The following KIRREL3 variants were observed in gnomAD, a reference collection of about 807,000 sequenced individuals.
The protein encoded by KIRREL3 is kirre like nephrin family adhesion molecule 3.
In KIRREL3, 36 loss-of-function variants were observed where a neutral mutation model predicts 89.7. The observed-to-expected ratio is 0.40, with a 90% CI of 0.31 to 0.53. The LOEUF is 0.53. Ranked by LOEUF, KIRREL3 falls within the 20% of genes least tolerant of loss-of-function variation. KIRREL3 has a pLI of 0.49. For missense variants in KIRREL3, 864 were observed against 1,056.6 expected, an observed-to-expected ratio of 0.82 and a Z score of 2.53; for synonymous variants, 445 against 441.4, an observed-to-expected ratio of 1.01 and a Z score of -0.10.
chr11:126,918,452 G>C lies in KIRREL3; in HGVS notation c.55+82003C>G, dbSNP rs531730271. On this transcript the variant is annotated intron_variant, in intron 1 of 16. Coordinates refer to ENST00000525144, the MANE Select transcript of KIRREL3 (RefSeq NM_032531.4). This position sits in a 1 kb window ranked among gnomAD's most constrained non-coding sequence, Gnocchi z 6.5. The stretch of plus-strand genomic sequence containing the variant: ...GAAGTCTTTGTAAACTAAGCTGCTT[G>C]TTCCTCTGACAGGGTGATAAGCAAG... 6.6e-6 allele frequency among the ~76,000 whole-genome samples: 1 copy of C among 152,330 alleles called. No homozygotes were observed. The highest frequency in any genetic ancestry group is 1.5e-5 in the Non-Finnish European group (1 of 68,026).
intron 7 of KIRREL3, among the ~76,000 whole-genome samples, chr11:126,451,074 T>C (rs1009306229): frequency 4.4e-5 from 5 of 114,634 alleles, no homozygotes; most frequent in South Asian, 2.5e-4. Flanking sequence ...CATGTGCATG[T>C]GTGTGCGTGT....
rs1946161396 is a variant in KIRREL3, at chr11:126,896,424, G to A, written c.55+104031C>T. Reference sequence around the variant, plus strand: ...GATGCTCTTTGTGGCTCTCCTGTATGCCTGTTGAGATGCCCATGCCCTTTC... The same window carrying A: ...GATGCTCTTTGTGGCTCTCCTGTATACCTGTTGAGATGCCCATGCCCTTTC... On this transcript the variant is annotated intron_variant, in intron 1 of 16. Transcript: ENST00000525144. The surrounding 1 kb of genome is among the most constrained non-coding windows in gnomAD (Gnocchi z 4.1). Among the ~76,000 whole-genome samples the A allele has an allele frequency of 1.3e-5, 2 of 152,206 alleles. No homozygotes were observed. Among genetic ancestry groups the A allele is most frequent in the South Asian group, 4.1e-4 (2 of 4,834 alleles).
intron 1 of KIRREL3, among the ~76,000 whole-genome samples, chr11:126,865,362 G>A (rs1337988955): frequency 6.6e-6 from 1 of 152,226 alleles, no homozygotes; most frequent in Non-Finnish European, 1.5e-5. Context: ...GCTCTGAGTT[G>A]AGGCTGCCTG....
Position 126,791,979 on chromosome 11 carries a change from T to C in KIRREL3, c.55+208476A>G, listed in dbSNP as rs1396205274. Among the ~76,000 whole-genome samples, 1 of 152,178 alleles carries C rather than the reference T, an allele frequency of 6.6e-6. No individual in the cohort carries two copies. The highest frequency in any genetic ancestry group is 6.5e-5 in the Admixed American group (1 of 15,280). ...CATTGGTGGTGTGGTTCTCCTCTTC[T>C]CTGTATGCCACTTTTCCCCATTTCC... is the stretch of plus-strand genomic sequence containing the variant. On this transcript the variant is annotated intron_variant, in intron 1 of 16. Transcript: ENST00000525144. This position sits in a 1 kb window ranked among gnomAD's most constrained non-coding sequence, Gnocchi z 4.8.
In KIRREL3 at chr11:126,763,022, G is replaced by A. The variant is rs1949711220; in HGVS notation, c.56-200110C>T. 1.3e-5 allele frequency among the ~76,000 whole-genome samples: 2 copies of A among 152,178 alleles called. No homozygotes were observed. The highest frequency in any genetic ancestry group is 1.3e-4 in the Admixed American group (2 of 15,284). ...GGCCACCCATCCTCAGGGATCCTGGGATTCAACTTTGAGAGCATAACTAGG... is the reference window on the plus strand; with the variant it reads ...GGCCACCCATCCTCAGGGATCCTGGAATTCAACTTTGAGAGCATAACTAGG... On this transcript the variant is annotated intron_variant, in intron 1 of 16. Coordinates refer to ENST00000525144, the MANE Select transcript of KIRREL3 (RefSeq NM_032531.4). This position sits in a 1 kb window ranked among gnomAD's most constrained non-coding sequence, Gnocchi z 4.7.
At chr11:126,947,160 A>G (rs1367496781) in intron 1 of KIRREL3, among the ~76,000 whole-genome samples, 1 of 152,164 alleles carries the variant, frequency 6.6e-6, no homozygotes, top group Non-Finnish European at 1.5e-5. Context: ...TTATGAGCCA[A>G]CCATCTCCAT....
rs549300464 is a variant in KIRREL3 at position 126,466,564 on chromosome 11, T to C, written c.592-3257A>G. 5.4e-3 allele frequency among the ~76,000 whole-genome samples: 818 copies of C among 152,316 alleles called. 2 individuals are homozygous for C. Among genetic ancestry groups the C allele is most frequent in the Non-Finnish European group, 8.9e-3 (604 of 68,020 alleles). ...GGGGATCTGCACCCCCGGGTTTCTCTTCCCCCATTCCTTTCTGATCTCGCC... is the reference window on the plus strand; with the variant it reads ...GGGGATCTGCACCCCCGGGTTTCTCCTCCCCCATTCCTTTCTGATCTCGCC... On this transcript the variant is annotated intron_variant, in intron 5 of 16. Transcript: ENST00000525144.
rs1321156944 is a variant in KIRREL3, at chr11:126,923,224, T to A, written c.55+77231A>T. Reference sequence around the variant, plus strand: ...TTCTTCTTCTTCTTCTTCTTCTTCTTCTTCTTCTTCTTCTTCTTCTTCTTC... The same window carrying A: ...TTCTTCTTCTTCTTCTTCTTCTTCTACTTCTTCTTCTTCTTCTTCTTCTTC... On this transcript the variant is annotated intron_variant, in intron 1 of 16. Coordinates refer to ENST00000525144, the MANE Select transcript of KIRREL3 (RefSeq NM_032531.4). 6.9e-4 allele frequency among the ~76,000 whole-genome samples: 24 copies of A among 34,792 alleles called. 5 individuals are homozygous for A. The highest frequency in any genetic ancestry group is 1.8e-3 in the Admixed American group (6 of 3,368). 22.8% of individuals were successfully genotyped at this position (34,792 alleles called of 152,430 possible).
rs1205495258 is a variant in KIRREL3 at position 126,903,666 on chromosome 11, G to T, written c.55+96789C>A. The stretch of plus-strand genomic sequence containing the variant: ...GAGACATTTGGTCTATTGGATTTAT[G>T]ACATGTTCAGAAGCTTGCAGTTGCA... On this transcript the variant is annotated intron_variant, in intron 1 of 16. Transcript: ENST00000525144. This position sits in a 1 kb window ranked among gnomAD's most constrained non-coding sequence, Gnocchi z 4.5. Among the ~76,000 whole-genome samples, 2 of 152,194 alleles carry T rather than the reference G, an allele frequency of 1.3e-5. No homozygotes were observed. Among genetic ancestry groups the T allele is most frequent in the African/African-American group, 4.8e-5 (2 of 41,458 alleles).
chr11:126,504,228 C>A (rs940140910), intron 4 of KIRREL3, among the ~76,000 whole-genome samples: 3 of 152,136 alleles, frequency 2.0e-5, no homozygotes, highest in Non-Finnish European at 4.4e-5. Flanking sequence ...GCTATTCCAG[C>A]CTGAGTCCCT....
chr11:126,982,052 T>C lies in KIRREL3; in HGVS notation c.55+18403A>G, dbSNP rs568501887. ...GATTATAATCATTCTCAGGCTTGTC[T>C]CTTTCTTTTAATTCCCCAGAGCCCA... On this transcript the variant is annotated intron_variant, in intron 1 of 16. Transcript: ENST00000525144. Among the ~76,000 whole-genome samples, 11 of 152,324 alleles carry C rather than the reference T, an allele frequency of 7.2e-5. No individual in the cohort carries two copies. The East Asian group carries it at 2.1e-3, about 29-fold the overall frequency.
intron 1 of KIRREL3, among the ~76,000 whole-genome samples, chr11:126,857,797 T>TG (rs1944579723): frequency 4.3e-5 from 3 of 69,144 alleles, no homozygotes; most frequent in African/African-American, 1.1e-4. Flanking sequence ...GTGGGGTGGG[T>TG]GAGGCTGGGC....
intron 1 of KIRREL3, among the ~76,000 whole-genome samples, chr11:126,842,949 ATT>A (rs35233054): frequency 1.3e-5 from 2 of 150,186 alleles, no homozygotes; most frequent in South Asian, 4.2e-4. Context: ...AGCATCACAG[ATT>A]TTTTTTTTTC....
intron 1 of KIRREL3, among the ~76,000 whole-genome samples, chr11:126,667,654 C>G (rs909726038): frequency 6.6e-6 from 1 of 152,074 alleles, no homozygotes; most frequent in African/African-American, 2.4e-5. Context: ...CAACTCATGT[C>G]GGCTTAGTTG....
rs891798936 is a variant in KIRREL3 at position 126,527,770 on chromosome 11, G to T, written c.134-1083C>A. 6.6e-6 allele frequency among the ~76,000 whole-genome samples: 1 copy of T among 152,148 alleles called. No homozygotes were observed. Among genetic ancestry groups the T allele is most frequent in the Non-Finnish European group, 1.5e-5 (1 of 68,030 alleles). On this transcript the variant is annotated intron_variant, in intron 2 of 16. Transcript: ENST00000525144. This position sits in a 1 kb window ranked among gnomAD's most constrained non-coding sequence, Gnocchi z 4.2. ...TAGTGGGAGTTGGGGTGGGTGGTGC[G>T]GTGAATCCAAGTCTTTCTGGCTCTG...
At chr11:126,968,314 C>A (rs1276695665) in intron 1 of KIRREL3, among the ~76,000 whole-genome samples, 1 of 151,512 alleles carries the variant, frequency 6.6e-6, no homozygotes, top group Non-Finnish European at 1.5e-5. Flanking sequence ...CAGATGTAGG[C>A]AATAACCAGA....
At chr11:126,798,833 G>A (rs1950893870) in intron 1 of KIRREL3, among the ~76,000 whole-genome samples, 1 of 152,212 alleles carries the variant, frequency 6.6e-6, no homozygotes, top group Non-Finnish European at 1.5e-5. Flanking sequence ...CATGGGTTTG[G>A]GGTCTAAAGC....
chr11:126,595,591 T>G (rs2134725902), intron 1 of KIRREL3, among the ~76,000 whole-genome samples: 1 of 152,360 alleles, frequency 6.6e-6, no homozygotes, highest in Non-Finnish European at 1.5e-5. Flanking sequence ...ATCATCTTAC[T>G]GAGGACTCAG....
Position 126,778,962 on chromosome 11 carries a change from T to C in KIRREL3, c.56-216050A>G, listed in dbSNP as rs1950245913. Among the ~76,000 whole-genome samples the C allele has an allele frequency of 6.6e-6, 1 of 152,166 alleles. No individual in the cohort carries two copies. The highest frequency in any genetic ancestry group is 2.1e-4 in the South Asian group (1 of 4,822). ...ACAAGGTAATACATGTAAGAGCACC[T>C]AGCGCGGAACTTGGAACACAGCAGA... On this transcript the variant is annotated intron_variant, in intron 1 of 16. Coordinates refer to ENST00000525144, the MANE Select transcript of KIRREL3 (RefSeq NM_032531.4). This position sits in a 1 kb window ranked among gnomAD's most constrained non-coding sequence, Gnocchi z 4.5.
Sources: gnomAD v4.1 joint callset for allele counts (sites outside exome capture counted in the v4.1 genomes callset) on GRCh38, gnomAD v4.1.1 for gene constraint, Gnocchi (gnomAD v3.1) non-coding constraint, MANE v1.5 for transcripts, NCBI Gene and HGNC (gene_info 2026-07-23, HGNC 2026-07-21) for gene names.